Variants in SRPK1 observed in about 807,000 individuals in gnomAD.
SRPK1 encodes SRSF protein kinase 1.
Under a neutral mutation model 89.5 loss-of-function variants are expected in SRPK1, and 52 were observed. The ratio of observed to expected loss-of-function variants is 0.58; its 90% CI spans 0.46 to 0.73. SRPK1 has a LOEUF of 0.73. Among genes scored for constraint, SRPK1 ranks in the 30% least tolerant of loss-of-function variants. SRPK1 has a pLI of 0.00. For synonymous variants in SRPK1, 255 were observed against 270.2 expected, an observed-to-expected ratio of 0.94 and a Z score of 0.55; for missense variants, 603 against 780.6, an observed-to-expected ratio of 0.77 and a Z score of 2.71.
At chr6:35,902,800 T>C (rs1212443773) in intron 2 of SRPK1, among the ~76,000 whole-genome samples, 1 of 152,216 alleles carries the variant, frequency 6.6e-6, no homozygotes, top group African/African-American at 2.4e-5. Flanking sequence ...TGCATTCTTC[T>C]TTCTAGTAAA....
chr6:35,903,960 C>T (rs966048545), intron 2 of SRPK1, among the ~76,000 whole-genome samples: 7 of 151,892 alleles, frequency 4.6e-5, no homozygotes, highest in East Asian at 1.9e-4. Context: ...TGCATCACAA[C>T]ACCCAGCGAA....
intron 14 of SRPK1, among the ~76,000 whole-genome samples, chr6:35,840,399 G>C (rs759667611): frequency 5.9e-5 from 9 of 152,128 alleles, no homozygotes; most frequent in Non-Finnish European, 1.3e-4. Flanking sequence ...TTTTCTGCTG[G>C]TTTTTGGCAG....
chr6:35,873,641 C>T (rs1037647943), intron 7 of SRPK1, among the ~76,000 whole-genome samples: 8 of 151,740 alleles, frequency 5.3e-5, no homozygotes, highest in African/African-American at 1.9e-4. Context: ...AGGCGCTTAC[C>T]ACCACACCCG....
At chr6:35,874,372 C>T in intron 6 of SRPK1, 33 bp from the exon 7 acceptor site, 1 of 1,462,542 alleles carries the variant, frequency 6.8e-7, no homozygotes, top group Non-Finnish European at 9.5e-7. Context: ...AAAAACGGCA[C>T]AAAAGAAGAA....
At position 35,832,971 on chromosome 6, in the gene SRPK1, T is replaced by C. The variant is rs1326933471; in HGVS notation, c.*2333A>G. On this transcript the variant is annotated 3_prime_UTR_variant, in exon 16 of 16. Transcript: ENST00000373825. Reference sequence around the variant, plus strand: ...AAAAAAGCATACTCAACCAATCTTTTCCTCCTTTTACTCAGGGCAGAGCAA... The same window carrying C: ...AAAAAAGCATACTCAACCAATCTTTCCCTCCTTTTACTCAGGGCAGAGCAA... The C allele has an allele frequency of 6.6e-6, 1 of 152,386 alleles. No homozygotes were observed. Among genetic ancestry groups the C allele is most frequent in the African/African-American group, 2.4e-5 (1 of 41,432 alleles). 9.4% of individuals were successfully genotyped at this position (152,386 alleles called of 1,614,324 possible).
At chr6:35,903,866 G>A (rs1469294632) in intron 2 of SRPK1, among the ~76,000 whole-genome samples, 1 of 152,168 alleles carries the variant, frequency 6.6e-6, no homozygotes, top group Non-Finnish European at 1.5e-5. Context: ...GAGTACAGTG[G>A]CACAATCATG....
At chr6:35,857,860 AT>A (rs1277088696) in intron 12 of SRPK1, among the ~76,000 whole-genome samples, 2 of 152,206 alleles carry the variant, frequency 1.3e-5, no homozygotes, top group East Asian at 3.9e-4. Context: ...TACCTAGAGT[AT>A]TTTTTGCTCT....
At chr6:35,897,676 C>A (rs969408774) in intron 2 of SRPK1, among the ~76,000 whole-genome samples, 3 of 152,092 alleles carry the variant, frequency 2.0e-5, no homozygotes, top group African/African-American at 7.2e-5. Context: ...CCATGCCTGG[C>A]TAATTTTTAA....
intron 15 of SRPK1, among the ~76,000 whole-genome samples, 153 bp from the exon 16 acceptor site, chr6:35,835,641 T>C (rs768271690): frequency 6.6e-6 from 1 of 152,222 alleles, no homozygotes; most frequent in Non-Finnish European, 1.5e-5. Flanking sequence ...ATTTCTTTTC[T>C]GACATATGCC....
intron 6 of SRPK1, among the ~76,000 whole-genome samples, chr6:35,877,828 CACT>C (rs1186678583): frequency 2.8e-4 from 41 of 148,578 alleles, no homozygotes; most frequent in African/African-American, 8.0e-4. Context: ...ACTCCTGCAC[CACT>C]GACTCCGTCT....
At chr6:35,918,910 G>T (rs1771169375) in intron 2 of SRPK1, among the ~76,000 whole-genome samples, 1 of 152,138 alleles carries the variant, frequency 6.6e-6, no homozygotes, top group African/African-American at 2.4e-5. Flanking sequence ...TTTCTAAGTG[G>T]TAAGAGAGAT....
chr6:35,848,366 T>C (rs1769468718), intron 13 of SRPK1, among the ~76,000 whole-genome samples: 1 of 151,756 alleles, frequency 6.6e-6, no homozygotes, highest in African/African-American at 2.4e-5. Flanking sequence ...GAGACCAGCC[T>C]GGGCAACACA....
chr6:35,872,661 TTC>T lies in SRPK1; in HGVS notation c.651_652del (p.Asn218HisfsTer7). On this transcript the variant is annotated frameshift_variant, in exon 8 of 16. Transcript: ENST00000373825. LOFTEE classifies it high-confidence loss of function. ...CTGCTCATTCACTGACAATAAGATG[TTC>T]TCTGGTTTAATGTCAGTGTGGATGA... is the stretch of plus-strand genomic sequence containing the variant. The T allele has an allele frequency of 6.2e-7, 1 of 1,612,378 alleles. No homozygotes were observed. Among genetic ancestry groups the T allele is most frequent in the Non-Finnish European group, 8.5e-7 (1 of 1,179,192 alleles).
At chr6:35,856,724 C>T (rs1769674278) in intron 13 of SRPK1, among the ~76,000 whole-genome samples, 1 of 152,134 alleles carries the variant, frequency 6.6e-6, no homozygotes, top group Non-Finnish European at 1.5e-5. Context: ...AACAATGTAA[C>T]ACATTCCAAC....
chr6:35,857,251 A>G lies in SRPK1; in HGVS notation c.1620+10T>C. On this transcript the variant is annotated intron_variant, in intron 13 of 15. Transcript: ENST00000373825. ...CTTAACAAGTGAAAGCCAAGGGGAA[A>G]AAACATTACCATGCATGCCGTGCTC... is the stretch of plus-strand genomic sequence containing the variant. 1 of 1,603,634 alleles carries G rather than the reference A, an allele frequency of 6.2e-7. No individual in the cohort carries two copies. Among genetic ancestry groups the G allele is most frequent in the Non-Finnish European group, 8.5e-7 (1 of 1,172,922 alleles).
At chr6:35,878,779 G>C (rs916273605) in intron 6 of SRPK1, among the ~76,000 whole-genome samples, 2 of 152,078 alleles carry the variant, frequency 1.3e-5, no homozygotes, top group African/African-American at 2.4e-5. Context: ...TTCCCCTTTG[G>C]GAGCCAGACA....
intron 2 of SRPK1, among the ~76,000 whole-genome samples, chr6:35,915,406 C>CAAAAAAAAAA (rs560685673): frequency 1.4e-5 from 1 of 73,910 alleles, no homozygotes; most frequent in Admixed American, 1.6e-4. Context: ...GACACCGTCT[C>CAAAAAAAAAA]AAAAAAAAAA....
At position 35,890,902 on chromosome 6, in the gene SRPK1, A is replaced by G. The variant is rs1234862541; in HGVS notation, c.186T>C (p.Tyr62=). Residue 62 remains tyrosine (Y), a synonymous_variant, in exon 3 of 16, where the codon TAT becomes TAC. Transcript: ENST00000373825. ...ACCTCTTTATGAACTTACCTTTACA[A>G]TAATCATTAGGATCTTCTTGCTCAT... ...DDDEQEDPND[Y]CKGGYHLVKI... 6.5e-7 allele frequency: 1 copy of G among 1,549,636 alleles called. No homozygotes were observed. The highest frequency in any genetic ancestry group is 8.7e-7 in the Non-Finnish European group (1 of 1,146,486).
chr6:35,898,596 G>A (rs1770673339), intron 2 of SRPK1, among the ~76,000 whole-genome samples: 1 of 152,034 alleles, frequency 6.6e-6, no homozygotes, highest in Non-Finnish European at 1.5e-5. Context: ...GCCATGCATG[G>A]TGGCAGGCAT....
Sources: gnomAD v4.1 joint callset for allele counts (sites outside exome capture counted in the v4.1 genomes callset) on GRCh38, gnomAD v4.1.1 for gene constraint, MANE v1.5 for transcripts, NCBI Gene and HGNC (gene_info 2026-07-23, HGNC 2026-07-21) for gene names.